USP34: variants seen among roughly 807,000 people sequenced by gnomAD.
The protein encoded by USP34 is ubiquitin carboxyl-terminal hydrolase 34.
USP34 carries 70 observed loss-of-function variants against 460.3 expected under a neutral mutation model. That is an observed-to-expected ratio of 0.15 (90% CI 0.13 to 0.19). The LOEUF (loss-of-function observed/expected upper bound fraction) is 0.19. Among genes scored for constraint, USP34 ranks in the 10% least tolerant of loss-of-function variants. The pLI is 1.00. For synonymous variants in USP34, 1,647 were observed against 1,405.3 expected, an observed-to-expected ratio of 1.17 and a Z score of -3.85; for missense variants, 3,985 against 4,236.2, an observed-to-expected ratio of 0.94 and a Z score of 1.65.
At position 61,301,031 on chromosome 2, in the gene USP34, A is replaced by C. The variant is rs1259904510; in HGVS notation, c.4048T>G (p.Leu1350Val). Residue 1350 changes from leucine to valine, a missense_variant, in exon 29 of 80, where the codon TTA becomes GTA. This residue lies in a region of USP34 where 1,114 missense variants were observed against 1,122.5 expected (regional missense o/e 0.99). Coordinates refer to ENST00000398571, the MANE Select transcript of USP34 (RefSeq NM_014709.4). ...TCTAATAAATCAAAAAGAGTAGTTA[A>C]ATGAGGCTCTTGTAAAAGCAAAAGC... The part of the protein sequence containing the change: ...PMLLLLQEPH[L>V]TTLFDLLEML... 1 of 1,613,970 alleles carries C rather than the reference A, an allele frequency of 6.2e-7. No homozygotes were observed. The highest frequency in any genetic ancestry group is 1.3e-5 in the African/African-American group (1 of 74,932).
chr2:61,303,525 A>G (rs1213194172), intron 27 of USP34, among the ~76,000 whole-genome samples: 2 of 152,234 alleles, frequency 1.3e-5, no homozygotes, highest in African/African-American at 2.4e-5. Flanking sequence ...AACCAGAAGA[A>G]AAGTAAATGC....
At chr2:61,387,843 A>G (rs988500024) in intron 5 of USP34, among the ~76,000 whole-genome samples, 1 of 149,952 alleles carries the variant, frequency 6.7e-6, no homozygotes, top group African/African-American at 2.4e-5. Flanking sequence ...TTTTACGTAT[A>G]CACACATGTA....
At chr2:61,316,320 C>T (rs1469616203) in intron 23 of USP34, among the ~76,000 whole-genome samples, 2 of 152,174 alleles carry the variant, frequency 1.3e-5, no homozygotes, top group African/African-American at 2.4e-5. Context: ...CGTGGTGGCT[C>T]GTACCTATAA....
At chr2:61,358,782 G>C (rs958077456) in intron 10 of USP34, among the ~76,000 whole-genome samples, 2 of 152,046 alleles carry the variant, frequency 1.3e-5, no homozygotes, top group Non-Finnish European at 2.9e-5. Context: ...CAAGGAACAA[G>C]ATCAAAATGC....
intron 20 of USP34, among the ~76,000 whole-genome samples, chr2:61,325,768 T>C (rs577157578): frequency 1.9e-3 from 282 of 152,244 alleles, no homozygotes; most frequent in South Asian, 0.014. Flanking sequence ...ACACATAAGT[T>C]AGAATAGGCA....
intron 5 of USP34, among the ~76,000 whole-genome samples, chr2:61,385,757 G>A (rs1430705973): frequency 6.6e-6 from 1 of 151,248 alleles, no homozygotes; most frequent in African/African-American, 2.4e-5. Context: ...ACTTCAGGAG[G>A]CCGAGGTGGG....
rs202196844 is a variant in USP34, at chr2:61,300,968, C to T, written c.4111G>A (p.Ala1371Thr). ...ASFKPPSGKV[A>T]VDDSESLRCE... ...ATAGTCACCTCACTATCATCCACTG[C>T]CACTTTTCCTGAGGGTGGTTTAAAT... The change falls in exon 29 of 80, where the codon GCA (alanine) becomes ACA (threonine). Residue 1371 changes from alanine to threonine, a missense_variant. Ala to Thr is a moderately conservative substitution (Grantham distance 58). Around this residue, in one of 14 missense-constraint regions of USP34, gnomAD observed 1,114 missense variants for 1,122.5 expected, o/e 0.99. Coordinates refer to ENST00000398571, the MANE Select transcript of USP34 (RefSeq NM_014709.4). The T allele has an allele frequency of 8.6e-5, 139 of 1,611,718 alleles. No individual in the cohort carries two copies. The highest frequency in any genetic ancestry group is 8.3e-4 in the Middle Eastern group (5 of 6,044).
At position 61,187,633 on chromosome 2, in the gene USP34, G is replaced by C; in HGVS notation, c.*469C>G. ...ATACTGCCAGGCCACAGCTAAAGAG[G>C]ATTCTTTACAGAATCAAATTTCTTG... On this transcript the variant is annotated 3_prime_UTR_variant, in exon 80 of 80. Coordinates refer to ENST00000398571, the MANE Select transcript of USP34 (RefSeq NM_014709.4). 1 of 698,476 alleles carries C rather than the reference G, an allele frequency of 1.4e-6. No homozygotes were observed. Among genetic ancestry groups the C allele is most frequent in the Non-Finnish European group, 1.8e-6 (1 of 567,356 alleles). The allele number at this position is 698,476 out of a possible 1,614,324, so 43.3% of individuals were successfully genotyped here.
At chr2:61,330,624 T>G (rs934317330) in intron 20 of USP34, among the ~76,000 whole-genome samples, 74 of 152,278 alleles carry the variant, frequency 4.9e-4, no homozygotes, top group African/African-American at 1.7e-3. Context: ...GGCATTGAAC[T>G]GGTTTCCTCA....
At chr2:61,195,077 G>A (rs1392530759) in intron 75 of USP34, among the ~76,000 whole-genome samples, 2 of 151,858 alleles carry the variant, frequency 1.3e-5, no homozygotes, top group African/African-American at 2.4e-5. Flanking sequence ...AAAATTGGCT[G>A]GGTGTGGTGG....
At chr2:61,372,619 G>A (rs532401808) in intron 8 of USP34, among the ~76,000 whole-genome samples, 1 of 152,272 alleles carries the variant, frequency 6.6e-6, no homozygotes, top group South Asian at 2.1e-4. Flanking sequence ...GTTGAGGTGG[G>A]AGGATCATTT....
intron 16 of USP34, 148 bp from the exon 17 acceptor site, chr2:61,339,829 G>C (rs1236714550): frequency 8.2e-5 from 35 of 425,610 alleles, no homozygotes; most frequent in Non-Finnish European, 1.3e-4. Context: ...ATTTTGTTTT[G>C]TTTTGTTTTT....
chr2:61,406,446 T>G (rs763188685), intron 2 of USP34, among the ~76,000 whole-genome samples: 3 of 152,176 alleles, frequency 2.0e-5, no homozygotes, highest in Admixed American at 1.3e-4. Context: ...GTACTCAATA[T>G]ATGTTTAGCA....
At chr2:61,349,199 C>A in intron 13 of USP34, 51 bp downstream of exon 13, 1 of 1,575,248 alleles carries the variant, frequency 6.3e-7, no homozygotes, top group South Asian at 1.2e-5. Flanking sequence ...TCTAGAAAAC[C>A]ACTATAAAAA....
At chr2:61,266,279 A>G (rs751250696) in intron 41 of USP34, 112 bp from the exon 42 acceptor site, 32 of 1,022,568 alleles carry the variant, frequency 3.1e-5, no homozygotes, top group Non-Finnish European at 4.4e-5. Context: ...AAAAACGTAT[A>G]GCAGCATGAT....
chr2:61,441,802 C>CAAAAAAAAA (rs70963429), intron 1 of USP34, among the ~76,000 whole-genome samples: 4 of 97,330 alleles, frequency 4.1e-5, no homozygotes, highest in Non-Finnish European at 4.2e-5. Flanking sequence ...GACTGCATTA[C>CAAAAAAAAA]AAAAAAAAAA....
chr2:61,307,587 T>TA (rs895998223), intron 27 of USP34, among the ~76,000 whole-genome samples: 11 of 151,608 alleles, frequency 7.3e-5, no homozygotes, highest in East Asian at 3.9e-4. Context: ...TGAAAGAGGA[T>TA]AAAAAACCTC....
chr2:61,298,237 T>C (rs1690095119), intron 29 of USP34, among the ~76,000 whole-genome samples: 1 of 151,380 alleles, frequency 6.6e-6, no homozygotes, highest in Non-Finnish European at 1.5e-5. Context: ...ATAAAATATC[T>C]GCAGCTGGGT....
chr2:61,357,751 A>G (rs1483952359), intron 10 of USP34, among the ~76,000 whole-genome samples: 1 of 152,234 alleles, frequency 6.6e-6, no homozygotes, highest in Non-Finnish European at 1.5e-5. Flanking sequence ...AAATATTTAA[A>G]AATTAGCCAG....
Sources: allele counts gnomAD v4.1 joint callset (sites outside exome capture counted in the v4.1 genomes callset), GRCh38; gene constraint gnomAD v4.1.1; regional missense constraint gnomAD v4.1.1; transcripts MANE v1.5; gene names NCBI Gene and HGNC (gene_info 2026-07-23, HGNC 2026-07-21).